UBE2G1: variants seen among roughly 807,000 people sequenced by gnomAD.
UBE2G1 encodes ubiquitin conjugating enzyme E2 G1, also known as ubiquitin-conjugating enzyme E2 G1.
In UBE2G1, 5 loss-of-function variants were observed where a neutral mutation model predicts 22.7. The observed-to-expected ratio is 0.22, with a 90% CI of 0.12 to 0.46. UBE2G1 has a LOEUF of 0.46. Ranked by LOEUF, UBE2G1 falls within the 20% of genes least tolerant of loss-of-function variation. UBE2G1 has a pLI of 0.99. For missense variants in UBE2G1, 88 were observed against 203.9 expected, an observed-to-expected ratio of 0.43 and a Z score of 3.46; for synonymous variants, 74 against 67.5, an observed-to-expected ratio of 1.10 and a Z score of -0.47.
chr17:4,351,342 T>C (rs891888998), intron 1 of UBE2G1, among the ~76,000 whole-genome samples: 1 of 152,240 alleles, frequency 6.6e-6, no homozygotes, highest in African/African-American at 2.4e-5. Flanking sequence ...CCAATAGCCA[T>C]GCCATATGGC....
chr17:4,365,824 C>A (rs1970027397), intron 1 of UBE2G1, among the ~76,000 whole-genome samples: 1 of 152,188 alleles, frequency 6.6e-6, no homozygotes, highest in Non-Finnish European at 1.5e-5. Flanking sequence ...CCGGTCCCTT[C>A]CGCCCGCCCT....
intron 1 of UBE2G1, among the ~76,000 whole-genome samples, chr17:4,351,109 GA>G (rs1274283326): frequency 6.6e-6 from 1 of 151,288 alleles, no homozygotes; most frequent in Non-Finnish European, 1.5e-5. Flanking sequence ...TGAGACAGGA[GA>G]ATCACCTCTG....
intron 1 of UBE2G1, among the ~76,000 whole-genome samples, chr17:4,349,938 C>T (rs1969825070): frequency 6.6e-6 from 1 of 152,036 alleles, no homozygotes; most frequent in Non-Finnish European, 1.5e-5. Context: ...TTTCAAAGGC[C>T]TGTTACTTAT....
intron 3 of UBE2G1, among the ~76,000 whole-genome samples, chr17:4,295,034 T>C (rs1364031243): frequency 6.6e-6 from 1 of 152,044 alleles, no homozygotes; most frequent in Non-Finnish European, 1.5e-5. Flanking sequence ...CTAGCTAGCT[T>C]AAGGCTCCAA....
chr17:4,320,305 A>G (rs1176181489), intron 1 of UBE2G1, among the ~76,000 whole-genome samples: 1 of 152,192 alleles, frequency 6.6e-6, no homozygotes, highest in East Asian at 1.9e-4. Flanking sequence ...TTCTATCAAG[A>G]GTCTCAAAAC....
intron 1 of UBE2G1, among the ~76,000 whole-genome samples, chr17:4,357,064 A>G (rs1456318562): frequency 2.0e-5 from 3 of 151,472 alleles, no homozygotes; most frequent in Non-Finnish European, 4.4e-5. Context: ...TAGTCCCCCC[A>G]CCCCTGCCCC....
chr17:4,339,290 C>T (rs1050911424), intron 1 of UBE2G1, among the ~76,000 whole-genome samples: 11 of 151,644 alleles, frequency 7.3e-5, no homozygotes, highest in Non-Finnish European at 1.3e-4. Context: ...TGTGTGGGTT[C>T]AGACCCAAGC....
At chr17:4,331,798 G>A (rs1389356695) in intron 1 of UBE2G1, 1 of 152,228 alleles carries the variant, frequency 6.6e-6, no homozygotes, top group Non-Finnish European at 1.5e-5. Context: ...GAAGGAGGAA[G>A]GCTAATCTTC....
At chr17:4,297,708 G>C (rs1255805816) in intron 2 of UBE2G1, among the ~76,000 whole-genome samples, 1 of 152,042 alleles carries the variant, frequency 6.6e-6, no homozygotes, top group African/African-American at 2.4e-5. Context: ...TTATCATTCG[G>C]TACTCAGCTT....
In UBE2G1 at chr17:4,352,931, G is replaced by A. The variant is rs1053157953; in HGVS notation, c.46+13340C>T. 7.2e-5 allele frequency among the ~76,000 whole-genome samples: 11 copies of A among 151,970 alleles called. No homozygotes were observed. The East Asian group carries it at 7.7e-4, about 11-fold the overall frequency. On this transcript the variant is annotated intron_variant, in intron 1 of 5. Coordinates refer to ENST00000396981, the MANE Select transcript of UBE2G1 (RefSeq NM_003342.5). ...CTCTACTAAAATACAAAAATCAGCCGGGTGTGGCCGGGTACACTGGCTCAC... is the reference window on the plus strand; with the variant it reads ...CTCTACTAAAATACAAAAATCAGCCAGGTGTGGCCGGGTACACTGGCTCAC...
rs1970037380 is a variant in UBE2G1 at position 4,366,469 on chromosome 17, G to A, written c.-153C>T. 3 of 657,968 alleles carry A rather than the reference G, an allele frequency of 4.6e-6. No homozygotes were observed. In the East Asian group the frequency reaches 1.1e-4, roughly 23 times the overall value. 40.8% of individuals were successfully genotyped at this position (657,968 alleles called of 1,614,324 possible). A position where few individuals can be genotyped will look rare whatever the true frequency, so the allele number is the denominator to read the frequency against. ...GCCGGGCTGAGGCGGCGGGAGCGGC[G>A]CCTCGCTGCCGGTGCGAGTCCGCTC... On this transcript the variant is annotated 5_prime_UTR_variant, in exon 1 of 6. Coordinates refer to ENST00000396981, the MANE Select transcript of UBE2G1 (RefSeq NM_003342.5).
intron 5 of UBE2G1, among the ~76,000 whole-genome samples, chr17:4,282,331 C>T (rs185103201): frequency 2.3e-3 from 349 of 152,280 alleles, no homozygotes; most frequent in Non-Finnish European, 3.7e-3. Flanking sequence ...GTTCCACCCG[C>T]CTCGGCTTCC....
chr17:4,306,311 C>G (rs1969248305), intron 2 of UBE2G1, among the ~76,000 whole-genome samples: 1 of 152,014 alleles, frequency 6.6e-6, no homozygotes. Flanking sequence ...GCCTCAGCCT[C>G]CCGGGTAGCT....
intron 1 of UBE2G1, among the ~76,000 whole-genome samples, chr17:4,362,960 T>C (rs530230399): frequency 1.8e-4 from 28 of 152,036 alleles, no homozygotes; most frequent in Non-Finnish European, 3.2e-4. Context: ...CTGTCTCTAC[T>C]AAAAATACAA....
At chr17:4,296,975 T>A (rs577246776) in intron 2 of UBE2G1, among the ~76,000 whole-genome samples, 161 bp from the exon 3 acceptor site, 94 of 152,326 alleles carry the variant, frequency 6.2e-4, no homozygotes, top group African/African-American at 2.2e-3. Context: ...AAATAAGTAG[T>A]TTAATAAACT....
intron 2 of UBE2G1, chr17:4,301,726 T>G: frequency 1.5e-6 from 1 of 664,362 alleles, no homozygotes; most frequent in South Asian, 1.4e-5. Flanking sequence ...GACTTGTGTT[T>G]GGATTGGTGG....
chr17:4,362,503 T>C (rs1969980789), intron 1 of UBE2G1, among the ~76,000 whole-genome samples: 1 of 152,070 alleles, frequency 6.6e-6, no homozygotes, highest in African/African-American at 2.4e-5. Context: ...ACCCAAAACG[T>C]CAGTAGCGCC....
intron 1 of UBE2G1, among the ~76,000 whole-genome samples, chr17:4,336,639 G>C (rs1412948812): frequency 6.6e-6 from 1 of 152,078 alleles, no homozygotes; most frequent in Non-Finnish European, 1.5e-5. Context: ...TGATTCTCCT[G>C]CCTCAGCCTC....
At chr17:4,350,781 C>T (rs1969835860) in intron 1 of UBE2G1, among the ~76,000 whole-genome samples, 1 of 151,928 alleles carries the variant, frequency 6.6e-6, no homozygotes, top group Non-Finnish European at 1.5e-5. Context: ...GTCTGTAATC[C>T]CAGCACTTTG....
Sources: allele counts gnomAD v4.1 joint callset (sites outside exome capture counted in the v4.1 genomes callset), GRCh38; gene constraint gnomAD v4.1.1; transcripts MANE v1.5; gene names NCBI Gene and HGNC (gene_info 2026-07-23, HGNC 2026-07-21).